Variants in ABCB5 observed in about 807,000 individuals in gnomAD.
ABCB5 encodes the protein ATP binding cassette subfamily B member 5.
A neutral mutation model predicts 144.2 loss-of-function variants in ABCB5; 155 were observed. The ratio of observed to expected loss-of-function variants is 1.08; its 90% CI spans 0.94 to 1.23. The LOEUF is 1.23. Among genes scored for constraint, ABCB5 ranks in the 50% most tolerant of loss-of-function variants. The pLI is 0.00. For synonymous variants in ABCB5, 610 were observed against 528.6 expected, an observed-to-expected ratio of 1.15 and a Z score of -2.11; for missense variants, 1,830 against 1,520.8, an observed-to-expected ratio of 1.20 and a Z score of -3.38.
At chr7:20,734,444 TG>T (rs1782320472) in intron 23 of ABCB5, among the ~76,000 whole-genome samples, 1 of 150,042 alleles carries the variant, frequency 6.7e-6, no homozygotes, top group African/African-American at 2.5e-5. Context: ...AGATCTAGTA[TG>T]GGGCAGGAAT....
intron 27 of ABCB5, 127 bp downstream of exon 27, chr7:20,753,633 C>A: frequency 9.2e-7 from 1 of 1,086,598 alleles, no homozygotes; most frequent in Non-Finnish European, 1.3e-6. Context: ...GTCACCAGTT[C>A]CAATTAAGGC....
intron 16 of ABCB5, among the ~76,000 whole-genome samples, chr7:20,697,774 G>A (rs1786469055): frequency 6.6e-6 from 1 of 152,136 alleles, no homozygotes; most frequent in African/African-American, 2.4e-5. Context: ...CAAATGTACT[G>A]AATAAAGCTT....
intron 23 of ABCB5, among the ~76,000 whole-genome samples, chr7:20,729,218 T>C (rs949264483): frequency 2.0e-5 from 3 of 152,216 alleles, no homozygotes; most frequent in African/African-American, 7.2e-5. Context: ...GCATAAAATC[T>C]GAATTAAATT....
rs111531396 is a variant in ABCB5 at position 20,672,361 on chromosome 7, G to A, written c.1708-9144G>A. On this transcript the variant is annotated intron_variant, in intron 14 of 27. Coordinates refer to ENST00000404938, the MANE Select transcript of ABCB5 (RefSeq NM_001163941.2). ...TTTTCTTTTACAAATCAAGGTTTTGGTGTCATATTTAAGAAATCTTTGAAC... is the reference window on the plus strand; with the variant it reads ...TTTTCTTTTACAAATCAAGGTTTTGATGTCATATTTAAGAAATCTTTGAAC... 5.9e-3 allele frequency among the ~76,000 whole-genome samples: 891 copies of A among 151,446 alleles called. 4 individuals carry two copies. The highest frequency in any genetic ancestry group is 9.3e-3 in the Admixed American group (141 of 15,212).
chr7:20,735,918 A>G lies in ABCB5; in HGVS notation c.2868-3065A>G, dbSNP rs539361159. On this transcript the variant is annotated intron_variant, in intron 23 of 27. Coordinates refer to ENST00000404938, the MANE Select transcript of ABCB5 (RefSeq NM_001163941.2). ...CTTATCTCCTAGGTGATTAGATGGT[A>G]TCTTGTATATGAAAACATTCTATAA... 3.3e-5 allele frequency among the ~76,000 whole-genome samples: 5 copies of G among 152,354 alleles called. No individual in the cohort carries two copies. The South Asian group carries it at 8.3e-4, about 25-fold the overall frequency.
rs1046808073 is a variant in ABCB5 at position 20,706,083 on chromosome 7, T to G, written c.2421+1276T>G. Among the ~76,000 whole-genome samples the G allele has an allele frequency of 2.6e-5, 4 of 152,192 alleles. No homozygotes were observed. The East Asian group carries it at 7.7e-4, about 29-fold the overall frequency. ...TAAAATAGGGCTGAGGAGTTCAATT[T>G]TATTGGCATACATGAAAAGATGGTG... On this transcript the variant is annotated intron_variant, in intron 20 of 27. Coordinates refer to ENST00000404938, the MANE Select transcript of ABCB5 (RefSeq NM_001163941.2).
At chr7:20,695,222 A>AAATAGATC (rs1285383501) in intron 16 of ABCB5, among the ~76,000 whole-genome samples, 4 of 152,000 alleles carry the variant, frequency 2.6e-5, no homozygotes, top group African/African-American at 9.6e-5. Context: ...ACAAATAGAC[A>AAATAGATC]AATAGATCAA....
At chr7:20,715,747 A>C (rs2128047488) in intron 20 of ABCB5, among the ~76,000 whole-genome samples, 1 of 147,266 alleles carries the variant, frequency 6.8e-6, no homozygotes, top group East Asian at 2.0e-4. Context: ...TTTTTGAGAC[A>C]GTCTCTCTGT....
intron 9 of ABCB5, chr7:20,647,280 G>C (rs1784433151): frequency 1.6e-6 from 2 of 1,219,332 alleles, no homozygotes; most frequent in East Asian, 8.2e-5. Context: ...AAGACTATGA[G>C]ATAATCAAAA....
intron 21 of ABCB5, among the ~76,000 whole-genome samples, chr7:20,726,224 T>C (rs896857215): frequency 6.6e-6 from 1 of 152,178 alleles, no homozygotes; most frequent in African/African-American, 2.4e-5. Context: ...ATATGAGAAA[T>C]GGCTTTATCT....
At chr7:20,733,180 T>C (rs1338161419) in intron 23 of ABCB5, among the ~76,000 whole-genome samples, 1 of 150,646 alleles carries the variant, frequency 6.6e-6, no homozygotes, top group Non-Finnish European at 1.5e-5. Flanking sequence ...TTACTCAACG[T>C]ACATTATTAT....
At chr7:20,676,043 A>G (rs968472661) in intron 14 of ABCB5, among the ~76,000 whole-genome samples, 5 of 152,004 alleles carry the variant, frequency 3.3e-5, no homozygotes, top group Non-Finnish European at 5.9e-5. Flanking sequence ...GATGTGGAAA[A>G]ATTGGAACCC....
At chr7:20,680,454 T>G (rs1054118188) in intron 14 of ABCB5, among the ~76,000 whole-genome samples, 3 of 151,712 alleles carry the variant, frequency 2.0e-5, no homozygotes, top group African/African-American at 7.3e-5. Context: ...GCACCTGTAG[T>G]CCCAGCTACT....
At chr7:20,698,655 T>C (rs544290039) in intron 17 of ABCB5, 105 bp downstream of exon 17, 2 of 1,093,672 alleles carry the variant, frequency 1.8e-6, no homozygotes, top group African/African-American at 1.6e-5. Context: ...TTGGGACTTT[T>C]AGTGGGCCGC....
intron 14 of ABCB5, among the ~76,000 whole-genome samples, chr7:20,665,660 C>A (rs1785152857): frequency 6.6e-6 from 1 of 151,522 alleles, no homozygotes; most frequent in Admixed American, 6.6e-5. Flanking sequence ...AGGGCCGTAC[C>A]CCCAACTCCC....
chr7:20,740,723 T>C (rs949653021), intron 24 of ABCB5, among the ~76,000 whole-genome samples: 2 of 152,138 alleles, frequency 1.3e-5, no homozygotes, highest in African/African-American at 4.8e-5. Flanking sequence ...ACTATGGAAG[T>C]GTTTCTTATA....
intron 19 of ABCB5, among the ~76,000 whole-genome samples, chr7:20,702,751 T>A (rs1327564339): frequency 1.4e-5 from 2 of 143,758 alleles, no homozygotes; most frequent in Non-Finnish European, 1.5e-5. Context: ...AAGCTCCGCC[T>A]CCAGGGTTCA....
intron 20 of ABCB5, among the ~76,000 whole-genome samples, chr7:20,710,635 C>G (rs1786998387): frequency 6.7e-6 from 1 of 149,698 alleles, no homozygotes; most frequent in South Asian, 2.1e-4. Context: ...TGGCATTTTA[C>G]AAAAGAAGAA....
At chr7:20,673,393 T>C (rs1424563040) in intron 14 of ABCB5, among the ~76,000 whole-genome samples, 1 of 152,100 alleles carries the variant, frequency 6.6e-6, no homozygotes, top group Admixed American at 6.5e-5. Context: ...AACTTTTAGA[T>C]TTATTCTTGT....
Sources: allele counts gnomAD v4.1 joint callset (sites outside exome capture counted in the v4.1 genomes callset), GRCh38; gene constraint gnomAD v4.1.1; transcripts MANE v1.5; gene names NCBI Gene and HGNC (gene_info 2026-07-23, HGNC 2026-07-21).